MAN1A1: variants seen among roughly 807,000 people sequenced by gnomAD.
The protein encoded by MAN1A1 is mannosyl-oligosaccharide 1,2-alpha-mannosidase IA.
A neutral mutation model predicts 70.8 loss-of-function variants in MAN1A1; 29 were observed. The observed-to-expected ratio is 0.41, with a 90% CI of 0.31 to 0.56. MAN1A1 has a LOEUF of 0.56. Ranked by LOEUF, MAN1A1 falls within the 20% of genes least tolerant of loss-of-function variation. The pLI, the probability that MAN1A1 is intolerant of heterozygous loss-of-function variation, is 0.29. For synonymous variants in MAN1A1, 349 were observed against 330.1 expected, an observed-to-expected ratio of 1.06 and a Z score of -0.62; for missense variants, 747 against 841.3, an observed-to-expected ratio of 0.89 and a Z score of 1.39.
At chr6:119,207,362 C>G (rs1773893477) in intron 6 of MAN1A1, among the ~76,000 whole-genome samples, 1 of 152,086 alleles carries the variant, frequency 6.6e-6, no homozygotes, top group Admixed American at 6.5e-5. Flanking sequence ...GAAAGGACAT[C>G]TTTGGTTACC....
intron 6 of MAN1A1, among the ~76,000 whole-genome samples, chr6:119,221,009 G>T (rs1288291227): frequency 1.3e-5 from 2 of 151,542 alleles, no homozygotes; most frequent in African/African-American, 4.8e-5. Flanking sequence ...ATGCTGACAT[G>T]TTGTAACAAA....
At chr6:119,263,072 C>A (rs2114357458) in intron 5 of MAN1A1, among the ~76,000 whole-genome samples, 1 of 152,256 alleles carries the variant, frequency 6.6e-6, no homozygotes, top group East Asian at 1.9e-4. Context: ...TTCCTGCCCT[C>A]AAACATCAGA....
intron 7 of MAN1A1, 102 bp downstream of exon 7, chr6:119,204,657 T>G: frequency 7.2e-7 from 1 of 1,384,080 alleles, no homozygotes; most frequent in Non-Finnish European, 9.9e-7. Flanking sequence ...TATAACAAAT[T>G]TGGTTATTAT....
chr6:119,315,521 CTCTT>C (rs1361393384), intron 2 of MAN1A1, among the ~76,000 whole-genome samples: 1 of 152,160 alleles, frequency 6.6e-6, no homozygotes, highest in East Asian at 1.9e-4. Context: ...TTTAATGGTT[CTCTT>C]TTTTTATGGC....
At chr6:119,278,135 C>T (rs910127415) in intron 5 of MAN1A1, among the ~76,000 whole-genome samples, 1 of 151,030 alleles carries the variant, frequency 6.6e-6, no homozygotes, top group Non-Finnish European at 1.5e-5. Context: ...GACAGAGAGA[C>T]CCTCAATTCT....
At chr6:119,340,290 G>A (rs1773564744) in intron 2 of MAN1A1, among the ~76,000 whole-genome samples, 1 of 152,088 alleles carries the variant, frequency 6.6e-6, no homozygotes, top group South Asian at 2.1e-4. Context: ...GCTCCAGCAT[G>A]TATTCCCGTG....
chr6:119,317,696 T>C (rs533593403), intron 2 of MAN1A1, among the ~76,000 whole-genome samples: 9 of 152,278 alleles, frequency 5.9e-5, no homozygotes, highest in East Asian at 1.9e-4. Flanking sequence ...CAATTATGAA[T>C]AAAGCTGTTA....
At chr6:119,290,273 T>G (rs1046966362) in intron 5 of MAN1A1, among the ~76,000 whole-genome samples, 3 of 152,038 alleles carry the variant, frequency 2.0e-5, no homozygotes. Context: ...CTACAATTTT[T>G]ATATCTTACT....
chr6:119,259,829 T>C (rs1775558732), intron 5 of MAN1A1, among the ~76,000 whole-genome samples: 1 of 152,128 alleles, frequency 6.6e-6, no homozygotes, highest in African/African-American at 2.4e-5. Flanking sequence ...GTTCTCTTTT[T>C]CCCCATGCCA....
chr6:119,307,228 T>C (rs2114450803), intron 2 of MAN1A1, among the ~76,000 whole-genome samples: 1 of 152,304 alleles, frequency 6.6e-6, no homozygotes, highest in Non-Finnish European at 1.5e-5. Context: ...TTTGAGTCCA[T>C]TTAATCCTAT....
At chr6:119,268,870 T>C (rs759629381) in intron 5 of MAN1A1, among the ~76,000 whole-genome samples, 1 of 152,172 alleles carries the variant, frequency 6.6e-6, no homozygotes, top group Non-Finnish European at 1.5e-5. Context: ...TGTAAGCCAA[T>C]GTGCCCGGCC....
chr6:119,181,854 C>G (rs1473552420), intron 11 of MAN1A1, among the ~76,000 whole-genome samples: 1 of 152,162 alleles, frequency 6.6e-6, no homozygotes, highest in Non-Finnish European at 1.5e-5. Flanking sequence ...TATACATCAT[C>G]TTCTGATGTG....
chr6:119,307,351 C>T (rs555566928), intron 2 of MAN1A1, among the ~76,000 whole-genome samples: 2 of 152,168 alleles, frequency 1.3e-5, no homozygotes, highest in African/African-American at 2.4e-5. Flanking sequence ...CAGATTAAAT[C>T]TGCAAAGACT....
intron 5 of MAN1A1, among the ~76,000 whole-genome samples, chr6:119,278,201 A>C (rs1411957044): frequency 1.3e-5 from 2 of 151,386 alleles, no homozygotes; most frequent in South Asian, 4.2e-4. Context: ...AATTCACAGC[A>C]CCACAATCAA....
chr6:119,328,761 A>G (rs1773225416), intron 2 of MAN1A1, among the ~76,000 whole-genome samples: 1 of 152,212 alleles, frequency 6.6e-6, no homozygotes, highest in Admixed American at 6.5e-5. Context: ...CACATAATGA[A>G]GCAGCAATAT....
chr6:119,186,237 CA>C lies in MAN1A1; in HGVS notation c.1719+2167del, dbSNP rs571073872. Among the ~76,000 whole-genome samples the C allele has an allele frequency of 2.0e-4, 30 of 152,240 alleles. No homozygotes were observed. In the South Asian group the frequency reaches 5.4e-3, roughly 27 times the overall value. On this transcript the variant is annotated intron_variant, in intron 11 of 12. Coordinates refer to ENST00000368468, the MANE Select transcript of MAN1A1 (RefSeq NM_005907.4). ...GGAAAGTCCTTGGGTTGATGAGGAACAGCTATCTTGCAAAGATATGGAGGGG... is the reference window on the plus strand; with the variant it reads ...GGAAAGTCCTTGGGTTGATGAGGAACGCTATCTTGCAAAGATATGGAGGGG...
rs183195661 is a variant in MAN1A1, at chr6:119,192,607, T to C, written c.1326+1170A>G. 1.5e-3 allele frequency among the ~76,000 whole-genome samples: 230 copies of C among 152,292 alleles called. 2 individuals are homozygous for C. Among genetic ancestry groups the C allele is most frequent in the African/African-American group, 5.3e-3 (222 of 41,562 alleles). ...TGGCTACATCTTTGGGATTACAAATTTCCATTTTTTTCCTATGAATTAACA... is the reference window on the plus strand; with the variant it reads ...TGGCTACATCTTTGGGATTACAAATCTCCATTTTTTTCCTATGAATTAACA... On this transcript the variant is annotated intron_variant, in intron 9 of 12. Coordinates refer to ENST00000368468, the MANE Select transcript of MAN1A1 (RefSeq NM_005907.4).
intron 2 of MAN1A1, among the ~76,000 whole-genome samples, chr6:119,317,348 T>C (rs537348689): frequency 6.3e-4 from 96 of 152,322 alleles, no homozygotes; most frequent in African/African-American, 2.0e-3. Flanking sequence ...CATAGTATCA[T>C]AGAGTATTTT....
intron 8 of MAN1A1, among the ~76,000 whole-genome samples, chr6:119,198,966 G>C (rs767063242): frequency 1.2e-4 from 19 of 152,052 alleles, no homozygotes; most frequent in Non-Finnish European, 2.2e-4. Flanking sequence ...ATGAATTTTC[G>C]TATTGTTACA....
Sources: gnomAD v4.1 joint callset for allele counts (sites outside exome capture counted in the v4.1 genomes callset) on GRCh38, gnomAD v4.1.1 for gene constraint, MANE v1.5 for transcripts, NCBI Gene and HGNC (gene_info 2026-07-23, HGNC 2026-07-21) for gene names.